PRR12: variants seen among roughly 807,000 people sequenced by gnomAD.
The protein encoded by PRR12 is proline-rich protein 12.
Under a neutral mutation model 138.0 loss-of-function variants are expected in PRR12, and 12 were observed. The ratio of observed to expected loss-of-function variants is 0.09; its 90% CI spans 0.06 to 0.14. The LOEUF is 0.14. PRR12 is among the 10% of genes least tolerant of loss of function. PRR12 has a pLI of 1.00. For synonymous variants in PRR12, 1,567 were observed against 1,291.7 expected, an observed-to-expected ratio of 1.21 and a Z score of -4.57; for missense variants, 2,692 against 2,861.3, an observed-to-expected ratio of 0.94 and a Z score of 1.35.
At chr19:49,593,261 T>C in intron 1 of PRR12, 66 bp from the exon 2 acceptor site, 20 of 324,662 alleles carry the variant, frequency 6.2e-5, no homozygotes, top group South Asian at 2.5e-4. Context: ...CCCCGGGGGG[T>C]TTTCTGAGCT....
At chr19:49,618,376 TCTTTTC>T (rs1408365274) in intron 9 of PRR12, among the ~76,000 whole-genome samples, 4 of 151,184 alleles carry the variant, frequency 2.6e-5, no homozygotes, top group African/African-American at 9.7e-5. Context: ...CATCCTCACC[TCTTTTC>T]CTTTTCTTTT....
chr19:49,597,913 C>G lies in PRR12; in HGVS notation c.3578C>G (p.Pro1193Arg). The G allele has an allele frequency of 7.1e-7, 1 of 1,407,632 alleles. No individual in the cohort carries two copies. The highest frequency in any genetic ancestry group is 9.2e-7 in the Non-Finnish European group (1 of 1,084,978). The allele number at this position is 1,407,632 out of a possible 1,614,324, so 87.2% of individuals were successfully genotyped here. ...GCGGGGCCCGCCTCGGCCTCCACGC[C>G]CACCGATGGCGCCAAGAAACCCCGG... ...TTAGPASAST[P>R]TDGAKKPRGR... Residue 1193 changes from proline to arginine, a missense_variant, in exon 4 of 14, where the codon CCC becomes CGC. Around this residue, in one of 11 missense-constraint regions of PRR12, gnomAD observed 326 missense variants for 344.2 expected, o/e 0.95. Transcript: ENST00000418929. The surrounding 1 kb of genome is among the most constrained non-coding windows in gnomAD (Gnocchi z 6.3).
At chr19:49,604,934 T>G (rs1254311440) in intron 6 of PRR12, among the ~76,000 whole-genome samples, 1 of 151,904 alleles carries the variant, frequency 6.6e-6, no homozygotes, top group Non-Finnish European at 1.5e-5. Context: ...TCACTGCAAC[T>G]TCTACCTCCC....
At chr19:49,606,964 A>AT (rs761899187) in intron 6 of PRR12, among the ~76,000 whole-genome samples, 52 of 152,124 alleles carry the variant, frequency 3.4e-4, no homozygotes, top group Non-Finnish European at 4.7e-4. Context: ...CATATATGTG[A>AT]TTTTAAATGT....
In PRR12 at chr19:49,616,581, A is replaced by G. The variant is rs2080894606; in HGVS notation, c.5497+362A>G. On this transcript the variant is annotated intron_variant, in intron 9 of 13. Transcript: ENST00000418929. The surrounding 1 kb of genome is among the most constrained non-coding windows in gnomAD (Gnocchi z 4.2). ...GTTCTTCAGTGCTGCGTTCTGCCTCATAATAGGCAAGATTTGAGGGCTGAG... is the reference window on the plus strand; with the variant it reads ...GTTCTTCAGTGCTGCGTTCTGCCTCGTAATAGGCAAGATTTGAGGGCTGAG... Among the ~76,000 whole-genome samples the G allele has an allele frequency of 6.6e-6, 1 of 152,140 alleles. No individual in the cohort carries two copies. Among genetic ancestry groups the G allele is most frequent in the African/African-American group, 2.4e-5 (1 of 41,422 alleles).
chr19:49,600,805 AC>A (rs748091899), intron 5 of PRR12, among the ~76,000 whole-genome samples: 3 of 151,906 alleles, frequency 2.0e-5, no homozygotes, highest in Non-Finnish European at 2.9e-5. Flanking sequence ...GCTCACCGCA[AC>A]CTCTGCCTTC....
In PRR12 at chr19:49,599,880, A is replaced by G. The variant is rs548605527; in HGVS notation, c.4287A>G (p.Ala1429=). Residue 1429 remains alanine, a synonymous_variant, in exon 5 of 14, where the codon GCA becomes GCG. Coordinates refer to ENST00000418929, the MANE Select transcript of PRR12 (RefSeq NM_020719.3). This position sits in a 1 kb window ranked among gnomAD's most constrained non-coding sequence, Gnocchi z 5.0. ...GGCCGCCCTTGGCCCCCGCGGCTGC[A>G]GTTCCAGGGCCACCCCCTCTTCCGG... ...PDGPPLAPAA[A]VPGPPPLPGL... 1.2e-6 allele frequency: 2 copies of G among 1,612,250 alleles called. No homozygotes were observed. Among genetic ancestry groups the G allele is most frequent in the African/African-American group, 2.7e-5 (2 of 74,926 alleles).
At chr19:49,620,307 CAG>C in intron 9 of PRR12, 43 bp from the exon 10 acceptor site, 1 of 1,609,706 alleles carries the variant, frequency 6.2e-7, no homozygotes, top group South Asian at 1.1e-5. Flanking sequence ...CAGGTGGTCT[CAG>C]AGGAAATTGG....
chr19:49,591,696 C>A lies in PRR12; in HGVS notation c.42C>A (p.Leu14=). ...CCAGCGCCGGCTTCGGGGACCCGCT[C>A]GGCGCCGGGGCGGGATGGAGTTACG... The part of the protein sequence containing the change: ...NYPSAGFGDP[L]GAGAGWSYER... Residue 14 remains leucine (L), a synonymous_variant, in exon 1 of 14, where the codon CTC becomes CTA. Coordinates refer to ENST00000418929, the MANE Select transcript of PRR12 (RefSeq NM_020719.3). 1 of 1,501,108 alleles carries A rather than the reference C, an allele frequency of 6.7e-7. No individual in the cohort carries two copies. The highest frequency in any genetic ancestry group is 8.9e-7 in the Non-Finnish European group (1 of 1,125,684). 93.0% of individuals were successfully genotyped at this position (1,501,108 alleles called of 1,614,324 possible). A position where few individuals can be genotyped will look rare whatever the true frequency, so the allele number is the denominator to read the frequency against.
chr19:49,621,467 T>A (rs1490011149), intron 10 of PRR12, 58 bp from the exon 11 acceptor site: 12 of 1,380,254 alleles, frequency 8.7e-6, no homozygotes, highest in Non-Finnish European at 1.2e-5. Context: ...TGACCCCACC[T>A]TGGCCCCAGT....
At position 49,616,230 on chromosome 19, in the gene PRR12, A is replaced by AG; in HGVS notation, c.5497+13dup. ...CCCCCAGCGAGGACGGTGAGGCCCT[A>AG]GGCAGCCTCAGGGCTGCAGGGGTGG... On this transcript the variant is annotated intron_variant, in intron 9 of 13. Transcript: ENST00000418929. This position sits in a 1 kb window ranked among gnomAD's most constrained non-coding sequence, Gnocchi z 4.2. The AG allele has an allele frequency of 6.6e-7, 1 of 1,508,844 alleles. No homozygotes were observed. Among genetic ancestry groups the AG allele is most frequent in the Non-Finnish European group, 8.9e-7 (1 of 1,125,742 alleles). The allele number at this position is 1,508,844 out of a possible 1,614,324, so 93.5% of individuals were successfully genotyped here. A position where few individuals can be genotyped will look rare whatever the true frequency, so the allele number is the denominator to read the frequency against.
At position 49,625,627 on chromosome 19, in the gene PRR12, G is replaced by T. The variant is rs752519222; in HGVS notation, c.*20G>T. 4.4e-6 allele frequency: 7 copies of T among 1,583,142 alleles called. No homozygotes were observed. Among genetic ancestry groups the T allele is most frequent in the South Asian group, 1.1e-5 (1 of 88,378 alleles). On this transcript the variant is annotated 3_prime_UTR_variant, in exon 14 of 14. Transcript: ENST00000418929. The surrounding 1 kb of genome is among the most constrained non-coding windows in gnomAD (Gnocchi z 5.5). ...GGGTGACCCCGCCCCAGCTTGTGAG[G>T]GGGGCGCCTCCTCCATGAACCGAGA...
rs1344591847 is a variant in PRR12 at position 49,596,785 on chromosome 19, C to T, written c.2450C>T (p.Ser817Phe). ...SHAPSPSPSASKVGVHLLEPA... is the reference protein window; with the variant it reads ...SHAPSPSPSAFKVGVHLLEPA... Reference sequence around the variant, plus strand: ...GCCCCCAGTCCCTCTCCCAGCGCCTCCAAAGTCGGCGTCCACCTCCTTGAG... The same window carrying T: ...GCCCCCAGTCCCTCTCCCAGCGCCTTCAAAGTCGGCGTCCACCTCCTTGAG... The change falls in exon 4 of 14, where the codon TCC (serine) becomes TTC (phenylalanine). Residue 817 changes from serine (S) to phenylalanine (F), a missense_variant. Around this residue, in one of 11 missense-constraint regions of PRR12, gnomAD observed 840 missense variants for 689.8 expected, o/e 1.22. Coordinates refer to ENST00000418929, the MANE Select transcript of PRR12 (RefSeq NM_020719.3). The surrounding 1 kb of genome is among the most constrained non-coding windows in gnomAD (Gnocchi z 5.6). 1 of 1,602,282 alleles carries T rather than the reference C, an allele frequency of 6.2e-7. No homozygotes were observed. Among genetic ancestry groups the T allele is most frequent in the East Asian group, 2.2e-5 (1 of 44,842 alleles).
In PRR12 at chr19:49,625,535, G is replaced by A. The variant is rs1011965068; in HGVS notation, c.6039G>A (p.Pro2013=). 1.3e-5 allele frequency: 21 copies of A among 1,612,538 alleles called. No homozygotes were observed. Among genetic ancestry groups the A allele is most frequent in the Non-Finnish European group, 1.7e-5 (20 of 1,179,496 alleles). Residue 2013 remains proline (P), a synonymous_variant, in exon 14 of 14, where the codon CCG becomes CCA. Transcript: ENST00000418929. The surrounding 1 kb of genome is among the most constrained non-coding windows in gnomAD (Gnocchi z 5.5). ...EVVQQCMRNQ[P]WLEQLFDSFS... ...TCCAGCAGTGCATGCGGAACCAGCC[G>A]TGGCTGGAACAGCTCTTTGACTCCT...
intron 1 of PRR12, among the ~76,000 whole-genome samples, chr19:49,592,668 G>T (rs899629530): frequency 1.3e-5 from 2 of 152,112 alleles, no homozygotes; most frequent in African/African-American, 4.8e-5. Context: ...CCACGGGTGA[G>T]TTGGATACCC....
chr19:49,595,138 T>TCTC lies in PRR12; in HGVS notation c.804_806dup (p.Ser269dup), dbSNP rs759701088. 1.2e-6 allele frequency: 2 copies of TCTC among 1,611,506 alleles called. No individual in the cohort carries two copies. The highest frequency in any genetic ancestry group is 2.2e-5 in the South Asian group (2 of 91,038). On this transcript the variant is annotated inframe_insertion, in exon 4 of 14. Transcript: ENST00000418929. ...CAGTCCTCCCCACAGCTCTATAACT[T>TCTC]CTCGGGTGCTGCCCCGGGCCCACCG...
At chr19:49,600,533 C>T (rs1044103054) in intron 5 of PRR12, among the ~76,000 whole-genome samples, 1 of 151,034 alleles carries the variant, frequency 6.6e-6, no homozygotes, top group African/African-American at 2.4e-5. Context: ...CACCTGTAAT[C>T]CTAGCACACT....
At chr19:49,604,913 G>A (rs1477694131) in intron 6 of PRR12, among the ~76,000 whole-genome samples, 1 of 151,964 alleles carries the variant, frequency 6.6e-6, no homozygotes, top group Non-Finnish European at 1.5e-5. Context: ...ATGCAGTGAC[G>A]TGATCTCAGC....
Position 49,619,702 on chromosome 19 carries a change from C to T in PRR12, c.5498-650C>T, listed in dbSNP as rs549747531. ...GATTACAGGCATGCACCACCATGCCCGGCTAATTTTGTATTTCTTAGTAGA... is the reference window on the plus strand; with the variant it reads ...GATTACAGGCATGCACCACCATGCCTGGCTAATTTTGTATTTCTTAGTAGA... On this transcript the variant is annotated intron_variant, in intron 9 of 13. Coordinates refer to ENST00000418929, the MANE Select transcript of PRR12 (RefSeq NM_020719.3). Among the ~76,000 whole-genome samples, 44 of 150,136 alleles carry T rather than the reference C, an allele frequency of 2.9e-4. No homozygotes were observed. The South Asian group carries it at 7.6e-3, about 26-fold the overall frequency.
Sources: allele counts gnomAD v4.1 joint callset (sites outside exome capture counted in the v4.1 genomes callset), GRCh38; gene constraint gnomAD v4.1.1; regional missense constraint gnomAD v4.1.1; non-coding constraint Gnocchi (gnomAD v3.1); transcripts MANE v1.5; gene names NCBI Gene and HGNC (gene_info 2026-07-23, HGNC 2026-07-21).